RECQL: variants seen among roughly 807,000 people sequenced by gnomAD.
RECQL encodes the protein ATP-dependent DNA helicase Q1.
A neutral mutation model predicts 75.8 loss-of-function variants in RECQL; 73 were observed. The ratio of observed to expected loss-of-function variants is 0.96; its 90% CI spans 0.80 to 1.17. The LOEUF (loss-of-function observed/expected upper bound fraction) is 1.17, where lower values mean the gene tolerates loss of function less well. Among genes scored for constraint, RECQL ranks in the 50% most tolerant of loss-of-function variants. The pLI is 0.00. For synonymous variants in RECQL, 248 were observed against 254.4 expected (o/e 0.97, Z 0.24); for missense variants, 699 against 772.1 (o/e 0.91, Z 1.12).
At chr12:21,477,431 C>T (rs1943107346) in intron 7 of RECQL, among the ~76,000 whole-genome samples, 1 of 152,120 alleles carries the variant, frequency 6.6e-6, no homozygotes, top group African/African-American at 2.4e-5. Context: ...TCTTTAATGG[C>T]ATATGAATAC....
chr12:21,498,419 G>C (rs1457031193), intron 2 of RECQL, among the ~76,000 whole-genome samples: 1 of 152,096 alleles, frequency 6.6e-6, no homozygotes, highest in Non-Finnish European at 1.5e-5. Context: ...TCCCATCCTT[G>C]AAACATCGGA....
At chr12:21,484,888 T>C (rs1943260113) in intron 5 of RECQL, among the ~76,000 whole-genome samples, 1 of 152,060 alleles carries the variant, frequency 6.6e-6, no homozygotes, top group East Asian at 1.9e-4. Context: ...AAACCAACTC[T>C]TTCTGAAAAC....
At chr12:21,485,346 AAAAG>A (rs201978678) in intron 5 of RECQL, among the ~76,000 whole-genome samples, 4,274 of 151,402 alleles carry the variant, frequency 0.028, 159 homozygotes, top group African/African-American at 0.085. Context: ...AAAAAAAAGA[AAAAG>A]AAAGAAAAGA....
rs1366636195 is a variant in RECQL, at chr12:21,486,525, T to G, written c.455A>C (p.Lys152Thr). The change falls in exon 5 of 15, where the codon AAA (lysine) becomes ACA (threonine). Residue 152 changes from lysine (K) to threonine (T), a missense_variant. Around this residue, in one of 2 missense-constraint regions of RECQL, gnomAD observed 669 missense variants for 713.5 expected, o/e 0.94. Transcript: ENST00000444129. ...CATGGTTGCTGAAATTCCTAATTGT[T>G]TTAAAACCATTAATTGGTCTTCCAT... is the stretch of plus-strand genomic sequence containing the variant. The part of the protein sequence containing the change: ...SLMEDQLMVL[K>T]QLGISATMLN... 1 of 1,607,054 alleles carries G rather than the reference T, an allele frequency of 6.2e-7. No homozygotes were observed. The highest frequency in any genetic ancestry group is 1.3e-5 in the African/African-American group (1 of 74,356).
intron 8 of RECQL, among the ~76,000 whole-genome samples, chr12:21,476,274 C>T (rs1301883549): frequency 6.6e-6 from 1 of 152,006 alleles, no homozygotes; most frequent in African/African-American, 2.4e-5. Context: ...TTCTAGTTTG[C>T]TGATACACCC....
intron 6 of RECQL, among the ~76,000 whole-genome samples, chr12:21,479,980 A>C (rs1943161849): frequency 1.3e-5 from 2 of 152,196 alleles, no homozygotes; most frequent in Non-Finnish European, 2.9e-5. Context: ...TTCCCTAGGC[A>C]CTGAAGATAA....
intron 2 of RECQL, among the ~76,000 whole-genome samples, chr12:21,496,955 T>C (rs1943520246): frequency 6.6e-6 from 1 of 152,218 alleles, no homozygotes; most frequent in South Asian, 2.1e-4. Flanking sequence ...GCAGATGTTA[T>C]ATGACACCTT....
At chr12:21,499,757 A>C in intron 1 of RECQL, 142 bp from the exon 2 acceptor site, 1 of 501,268 alleles carries the variant, frequency 2.0e-6, no homozygotes, top group South Asian at 3.5e-5. Flanking sequence ...TCAAATAAGA[A>C]CCACATGGTT....
chr12:21,491,795 GC>G (rs1943420710), intron 2 of RECQL, 79 bp from the exon 3 acceptor site: 36 of 1,251,726 alleles, frequency 2.9e-5, no homozygotes, highest in Non-Finnish European at 2.3e-5. Flanking sequence ...TCTGGGTGTT[GC>G]CCGCCATATC....
intron 5 of RECQL, among the ~76,000 whole-genome samples, chr12:21,484,054 A>C (rs1403285067): frequency 1.3e-5 from 2 of 152,134 alleles, no homozygotes; most frequent in East Asian, 1.9e-4. Flanking sequence ...CTTTATTTAA[A>C]TATAAAGACC....
intron 5 of RECQL, 44 bp from the exon 6 acceptor site, chr12:21,483,618 T>C (rs1327779355): frequency 2.2e-6 from 3 of 1,386,660 alleles, no homozygotes; most frequent in African/African-American, 1.5e-5. Flanking sequence ...AAAACTAAGC[T>C]AGCAGACTGA....
At chr12:21,493,368 G>A (rs1943447578) in intron 2 of RECQL, among the ~76,000 whole-genome samples, 1 of 152,180 alleles carries the variant, frequency 6.6e-6, no homozygotes, top group African/African-American at 2.4e-5. Context: ...ATGTTTTGGT[G>A]AGAATAATGG....
At chr12:21,474,816 A>C in intron 11 of RECQL, 25 bp downstream of exon 11, 1 of 1,605,002 alleles carries the variant, frequency 6.2e-7, no homozygotes, top group Non-Finnish European at 8.5e-7. Context: ...AATTGATAAA[A>C]GTTATAAAAA....
intron 1 of RECQL, 36 bp from the exon 2 acceptor site, chr12:21,499,651 T>C: frequency 9.1e-7 from 1 of 1,094,144 alleles, no homozygotes; most frequent in Non-Finnish European, 1.4e-6. Flanking sequence ...AACAAGTTTT[T>C]AAAAATAGTA....
chr12:21,481,868 G>A (rs564114298), intron 6 of RECQL, among the ~76,000 whole-genome samples: 19 of 152,086 alleles, frequency 1.2e-4, no homozygotes, highest in African/African-American at 4.3e-4. Flanking sequence ...CAAGGTGAGA[G>A]GTGAATATAT....
chr12:21,492,008 T>C (rs953178286), intron 2 of RECQL, among the ~76,000 whole-genome samples: 2 of 152,220 alleles, frequency 1.3e-5, no homozygotes, highest in Non-Finnish European at 2.9e-5. Flanking sequence ...GCTAGTGAGA[T>C]AATATATTAG....
intron 2 of RECQL, among the ~76,000 whole-genome samples, chr12:21,495,615 A>G (rs1332489570): frequency 2.0e-5 from 3 of 152,102 alleles, no homozygotes; most frequent in Non-Finnish European, 4.4e-5. Flanking sequence ...AAAGAAAAAG[A>G]GAAATCACTT....
intron 1 of RECQL, among the ~76,000 whole-genome samples, chr12:21,500,252 G>C (rs932100191): frequency 6.6e-6 from 1 of 152,002 alleles, no homozygotes; most frequent in African/African-American, 2.4e-5. Context: ...AGTTAGAGGT[G>C]GGGGGAGGGG....
intron 5 of RECQL, among the ~76,000 whole-genome samples, chr12:21,486,031 GGATAATACAAA>G (rs1425490206): frequency 6.6e-6 from 1 of 152,036 alleles, no homozygotes; most frequent in Non-Finnish European, 1.5e-5. Flanking sequence ...ATTTTAGAAT[GGATAATACAAA>G]ACAGGTCAGC....
Sources: gnomAD v4.1 joint callset for allele counts (sites outside exome capture counted in the v4.1 genomes callset) on GRCh38, gnomAD v4.1.1 for gene constraint, gnomAD v4.1.1 regional missense constraint, MANE v1.5 for transcripts, NCBI Gene and HGNC (gene_info 2026-07-23, HGNC 2026-07-21) for gene names.